LINGO1: variants seen among roughly 807,000 people sequenced by gnomAD.
LINGO1 encodes the protein leucine rich repeat and Ig domain containing 1, also known as leucine-rich repeat and immunoglobulin-like domain-containing nogo receptor-interacting protein 1.
LINGO1 carries 11 observed loss-of-function variants against 37.3 expected under a neutral mutation model. That is an observed-to-expected ratio of 0.29 (90% confidence interval 0.19 to 0.49). The LOEUF is 0.49. LINGO1 is among the 20% of genes least tolerant of loss of function. LINGO1 has a pLI of 0.99. For missense variants in LINGO1, 585 were observed against 878.2 expected (o/e 0.67, Z 4.22); for synonymous variants, 387 against 403.0 (o/e 0.96, Z 0.48).
Position 77,614,107 on chromosome 15 carries a change from T to C in LINGO1, c.1800A>G (p.Arg600=). The change falls in exon 2 of 2, where the codon CGA becomes CGG. Residue 600 remains arginine (R), a synonymous_variant. Transcript: ENST00000355300. ...KHNIEIEYVP[R]KSDAGISSAD... The stretch of plus-strand genomic sequence containing the variant: ...CGGAGCTGATGCCTGCGTCCGACTT[T>C]CGGGGCACATACTCGATCTCGATGT... 2 of 1,613,854 alleles carry C rather than the reference T, an allele frequency of 1.2e-6. No homozygotes were observed. The highest frequency in any genetic ancestry group is 1.7e-6 in the Non-Finnish European group (2 of 1,179,830).
At chr15:77,784,311 C>T (rs945347327) in intron 1 of LINGO1, among the ~76,000 whole-genome samples, 14 of 152,216 alleles carry the variant, frequency 9.2e-5, no homozygotes, top group South Asian at 4.1e-4. Flanking sequence ...TAAGGACACA[C>T]GCAGGGCCCA....
At chr15:77,743,524 A>C (rs555432720) in intron 1 of LINGO1, among the ~76,000 whole-genome samples, 1 of 152,228 alleles carries the variant, frequency 6.6e-6, no homozygotes, top group Non-Finnish European at 1.5e-5. Context: ...GAGGGTTGGG[A>C]GGTTTTGCTC....
chr15:77,803,840 C>A (rs565375948), intron 1 of LINGO1, among the ~76,000 whole-genome samples: 2 of 152,294 alleles, frequency 1.3e-5, no homozygotes, highest in African/African-American at 2.4e-5. Context: ...GCCTGCAGAT[C>A]CATGAGCCAA....
chr15:77,753,145 A>G (rs909434314), intron 1 of LINGO1, among the ~76,000 whole-genome samples: 1 of 152,224 alleles, frequency 6.6e-6, no homozygotes, highest in Non-Finnish European at 1.5e-5. Context: ...CAGAGACCTG[A>G]CTGCCTCCAA....
intron 1 of LINGO1, among the ~76,000 whole-genome samples, chr15:77,803,731 C>G (rs1165845825): frequency 1.3e-5 from 2 of 152,072 alleles, no homozygotes; most frequent in Admixed American, 1.3e-4. Context: ...TACTTTCACC[C>G]TGTGAAGTGC....
intron 1 of LINGO1, among the ~76,000 whole-genome samples, chr15:77,767,856 G>T (rs2076544935): frequency 6.6e-6 from 1 of 152,160 alleles, no homozygotes; most frequent in Non-Finnish European, 1.5e-5. Context: ...GTGGGTGAGT[G>T]GGGTGGAAGC....
chr15:77,678,331 T>C (rs1185495761), intron 2 of LINGO1, among the ~76,000 whole-genome samples: 1 of 152,162 alleles, frequency 6.6e-6, no homozygotes, highest in African/African-American at 2.4e-5. Context: ...CTCTTTGTAG[T>C]CAACTCCTCC....
At chr15:77,622,813 GCCT>G (rs1246895770) in intron 1 of LINGO1, among the ~76,000 whole-genome samples, 1 of 152,184 alleles carries the variant, frequency 6.6e-6, no homozygotes, top group Non-Finnish European at 1.5e-5. Context: ...ATGCCTAGAG[GCCT>G]CCTACTCGGC....
chr15:77,762,660 C>T lies in LINGO1; in HGVS notation c.-257+24209G>A, dbSNP rs376010869. On this transcript the variant is annotated intron_variant, in intron 1 of 3. Transcript: ENST00000561686. ...CAGGTCTTTGGCCAAGCGGGACCAC[C>T]CTCCACCCAAACTCTCAGCCTCCTA... Among the ~76,000 whole-genome samples the T allele has an allele frequency of 3.9e-5, 6 of 152,268 alleles. 1 individual carries two copies. The highest frequency in any genetic ancestry group is 1.2e-4 in the African/African-American group (5 of 41,546).
At chr15:77,773,729 G>C (rs548379696) in intron 1 of LINGO1, among the ~76,000 whole-genome samples, 2 of 151,712 alleles carry the variant, frequency 1.3e-5, no homozygotes, top group East Asian at 3.9e-4. Flanking sequence ...CACAGCCTGG[G>C]CCGTGAAGAT....
chr15:77,646,610 A>T (rs2074636440), intron 3 of LINGO1: 1 of 315,006 alleles, frequency 3.2e-6, no homozygotes, highest in African/African-American at 2.2e-5. Context: ...TCCTTGGGGC[A>T]GATGTGGCAG....
upstream of LINGO1, chr15:77,787,817 C>T (rs1320185442): frequency 6.6e-6 from 1 of 152,204 alleles, no homozygotes; most frequent in Middle Eastern, 3.2e-3. Flanking sequence ...AATAAGAATC[C>T]TTTAATTGGG....
At chr15:77,772,732 G>A (rs778045479) in intron 1 of LINGO1, among the ~76,000 whole-genome samples, 4 of 152,144 alleles carry the variant, frequency 2.6e-5, no homozygotes, top group Non-Finnish European at 4.4e-5. Context: ...GAGTGGGTAA[G>A]TTTGAAAATC....
chr15:77,779,942 C>T (rs1015120805), intron 1 of LINGO1, among the ~76,000 whole-genome samples: 2 of 152,178 alleles, frequency 1.3e-5, no homozygotes, highest in Admixed American at 1.3e-4. Flanking sequence ...GAGCCAGACA[C>T]CGCCCCTGAT....
chr15:77,674,576 C>A (rs2075300249), intron 3 of LINGO1, among the ~76,000 whole-genome samples: 1 of 152,142 alleles, frequency 6.6e-6, no homozygotes, highest in South Asian at 2.1e-4. Context: ...GCCATGTCCC[C>A]ATAAGCCAGG....
intron 1 of LINGO1, among the ~76,000 whole-genome samples, chr15:77,773,285 T>A (rs373142311): frequency 6.6e-6 from 1 of 152,132 alleles, no homozygotes; most frequent in African/African-American, 2.4e-5. Flanking sequence ...GGAAGAGAGT[T>A]GCCAGGAGCT....
chr15:77,632,499 G>T lies in LINGO1; in HGVS notation c.-184C>A. ...GTCTGTCCGCCCCGCGCGGGCGGGA[G>T]CCGAGCCGGAGCCGGGGCCGGGGCT... On this transcript the variant is annotated 5_prime_UTR_variant, in exon 1 of 2. Transcript: ENST00000355300. The surrounding 1 kb of genome is among the most constrained non-coding windows in gnomAD (Gnocchi z 6.0). 1 of 490,524 alleles carries T rather than the reference G, an allele frequency of 2.0e-6. No homozygotes were observed. The highest frequency in any genetic ancestry group is 3.1e-6 in the Non-Finnish European group (1 of 326,110). 30.4% of individuals were successfully genotyped at this position (490,524 alleles called of 1,614,324 possible).
upstream of LINGO1, chr15:77,820,481 G>C (rs554185780): frequency 1.3e-5 from 2 of 152,582 alleles, no homozygotes; most frequent in Admixed American, 1.3e-4. Flanking sequence ...GTGTGCGGCG[G>C]TGTAGGCTGA....
intron 1 of LINGO1, among the ~76,000 whole-genome samples, chr15:77,768,261 C>T (rs1321186603): frequency 1.2e-5 from 1 of 85,322 alleles, no homozygotes; most frequent in African/African-American, 3.2e-5. Flanking sequence ...CATAAAGGGC[C>T]AGATGCAGGG....
Sources: gnomAD v4.1 joint callset for allele counts (sites outside exome capture counted in the v4.1 genomes callset) on GRCh38, gnomAD v4.1.1 for gene constraint, Gnocchi (gnomAD v3.1) non-coding constraint, MANE v1.5 for transcripts, NCBI Gene and HGNC (gene_info 2026-07-23, HGNC 2026-07-21) for gene names.